Variants in PCDH10 observed in about 807,000 individuals in gnomAD.
PCDH10 encodes the protein protocadherin 10, also known as protocadherin-10.
PCDH10 carries 15 observed loss-of-function variants against 74.4 expected under a neutral mutation model. The observed-to-expected ratio is 0.20, with a 90% CI of 0.13 to 0.31. PCDH10 has a LOEUF of 0.31. PCDH10 is among the 10% of genes least tolerant of loss of function. The probability of loss-of-function intolerance (pLI) is 1.00; values close to 1 mark genes in which losing one functional copy is unlikely to be tolerated. For synonymous variants in PCDH10, 619 were observed against 589.8 expected (o/e 1.05, Z -0.72); for missense variants, 1,260 against 1,390.2 (o/e 0.91, Z 1.49).
At chr4:133,162,452 G>A (rs1162997089) in intron 3 of PCDH10, among the ~76,000 whole-genome samples, 3 of 152,066 alleles carry the variant, frequency 2.0e-5, no homozygotes, top group Non-Finnish European at 4.4e-5. Flanking sequence ...CCACATTTCT[G>A]TTGAATTTCA....
rs1022024903 is a variant in PCDH10, at chr4:133,190,996, T to C, written c.*836T>C. 1.3e-5 allele frequency: 2 copies of C among 152,344 alleles called. No individual in the cohort carries two copies. The highest frequency in any genetic ancestry group is 2.9e-5 in the Non-Finnish European group (2 of 67,902). The allele number at this position is 152,344 out of a possible 1,614,324, so 9.4% of individuals were successfully genotyped here. Reference sequence around the variant, plus strand: ...TACAAAATTTTGTCAAAAACTCATATTGAATTTTCAATGCCAAAGATGTAG... The same window carrying C: ...TACAAAATTTTGTCAAAAACTCATACTGAATTTTCAATGCCAAAGATGTAG... On this transcript the variant is annotated 3_prime_UTR_variant, in exon 5 of 5. Coordinates refer to ENST00000264360, the MANE Select transcript of PCDH10 (RefSeq NM_032961.3).
At chr4:133,179,945 T>C (rs1430183594) in intron 4 of PCDH10, among the ~76,000 whole-genome samples, 1 of 152,040 alleles carries the variant, frequency 6.6e-6, no homozygotes, top group East Asian at 1.9e-4. Context: ...AAAATTACAG[T>C]AGTCTCTGAA....
At position 133,149,883 on chromosome 4, in the gene PCDH10, A is replaced by T; in HGVS notation, c.-258A>T. The T allele has an allele frequency of 2.7e-6, 1 of 372,932 alleles. No homozygotes were observed. Among genetic ancestry groups the T allele is most frequent in the East Asian group, 4.1e-5 (1 of 24,420 alleles). 23.1% of individuals were successfully genotyped at this position (372,932 alleles called of 1,614,324 possible). A position where few individuals can be genotyped will look rare whatever the true frequency, so the allele number is the denominator to read the frequency against. ...ATTATTGTTATTTTATTAATTAGTC[A>T]GTGGAAAGATTACAGATGAGGAAAG... On this transcript the variant is annotated 5_prime_UTR_variant, in exon 1 of 5. Coordinates refer to ENST00000264360, the MANE Select transcript of PCDH10 (RefSeq NM_032961.3).
chr4:133,199,323 A>G (rs1325161290), downstream of PCDH10, among the ~76,000 whole-genome samples: 1 of 143,906 alleles, frequency 6.9e-6, no homozygotes, highest in Non-Finnish European at 1.5e-5. Flanking sequence ...TAATAATAAT[A>G]ATAATTAATT....
At chr4:133,205,568 G>A (rs904958583) in intron 2 of PCDH10, among the ~76,000 whole-genome samples, 1 of 151,770 alleles carries the variant, frequency 6.6e-6, no homozygotes, top group Non-Finnish European at 1.5e-5. Flanking sequence ...TTCAACTTTT[G>A]GAAATTTTCT....
chr4:133,159,475 A>G (rs1453649165), intron 3 of PCDH10, among the ~76,000 whole-genome samples: 1 of 152,120 alleles, frequency 6.6e-6, no homozygotes, highest in African/African-American at 2.4e-5. Flanking sequence ...TGAAACATTT[A>G]TTAGATATTA....
chr4:133,153,198 T>C, intron 1 of PCDH10: 1 of 1,070,884 alleles, frequency 9.3e-7, no homozygotes, highest in Non-Finnish European at 1.1e-6. Flanking sequence ...TTGCTTTGTT[T>C]AACGATGCTT....
At position 133,150,912 on chromosome 4, in the gene PCDH10, T is replaced by C. The variant is rs1357571919; in HGVS notation, c.772T>C (p.Ser258Pro). The C allele has an allele frequency of 6.2e-7, 1 of 1,613,566 alleles. No individual in the cohort carries two copies. ...PAFDQPVYTV[S>P]LPENSPPGTL... The stretch of plus-strand genomic sequence containing the variant: ...TTTCGACCAACCCGTCTACACTGTG[T>C]CCCTACCAGAGAACTCTCCCCCAGG... Residue 258 changes from serine (S) to proline (P), a missense_variant, in exon 1 of 5, where the codon TCC becomes CCC. Physicochemically the swap from Ser to Pro is moderately conservative, Grantham distance 74 (BLOSUM62 -1). Transcript: ENST00000264360.
intron 4 of PCDH10, among the ~76,000 whole-genome samples, chr4:133,167,688 T>C (rs994792518): frequency 6.6e-6 from 1 of 151,472 alleles, no homozygotes; most frequent in African/African-American, 2.4e-5. Context: ...TTTCTGAGGG[T>C]GGGTTTTTTG....
At chr4:133,196,302 G>T (rs770609841), downstream of PCDH10, among the ~76,000 whole-genome samples, 8 of 152,066 alleles carry the variant, frequency 5.3e-5, no homozygotes, top group East Asian at 1.9e-4. Flanking sequence ...GTGGGTGGGG[G>T]GACCAGTGAA....
chr4:133,151,713 T>A lies in PCDH10; in HGVS notation c.1573T>A (p.Leu525Met). The A allele has an allele frequency of 6.2e-7, 1 of 1,613,266 alleles. No homozygotes were observed. Among genetic ancestry groups the A allele is most frequent in the Admixed American group, 1.7e-5 (1 of 60,034 alleles). Residue 525 changes from leucine to methionine, a missense_variant, in exon 1 of 5, where the codon TTG (leucine) becomes ATG (methionine). By Grantham distance (15) the Leu-to-Met change is conservative (BLOSUM62 2). This residue lies in a region of PCDH10 where 587 missense variants were observed against 616.9 expected (regional missense o/e 0.95). Coordinates refer to ENST00000264360, the MANE Select transcript of PCDH10 (RefSeq NM_032961.3). ...YVSINSENGY[L>M]YALRSFDYEQ... ...TTCTATCAACTCTGAGAACGGCTACTTGTACGCCCTGCGCTCCTTCGACTA... is the reference window on the plus strand; with the variant it reads ...TTCTATCAACTCTGAGAACGGCTACATGTACGCCCTGCGCTCCTTCGACTA...
chr4:133,167,118 C>T (rs1023741088), intron 4 of PCDH10, among the ~76,000 whole-genome samples: 5 of 151,302 alleles, frequency 3.3e-5, no homozygotes, highest in South Asian at 2.1e-4. Context: ...TTCAACTTGA[C>T]GCACCCATAT....
chr4:133,150,069 T>G lies in PCDH10; in HGVS notation c.-72T>G, dbSNP rs1578554065. The G allele has an allele frequency of 6.9e-7, 1 of 1,438,960 alleles. No homozygotes were observed. The highest frequency in any genetic ancestry group is 2.4e-5 in the East Asian group (1 of 41,250). 89.1% of individuals were successfully genotyped at this position (1,438,960 alleles called of 1,614,324 possible). A position where few individuals can be genotyped will look rare whatever the true frequency, so the allele number is the denominator to read the frequency against. ...ATTTGTATTTTTTCAGATTTTTTTT[T>G]GTTTCGTGGTGGTGGGGGAGGTGAT... is the stretch of plus-strand genomic sequence containing the variant. On this transcript the variant is annotated 5_prime_UTR_variant, in exon 1 of 5. Transcript: ENST00000264360.
At chr4:133,154,284 T>A (rs1376879045) in intron 1 of PCDH10, 23 bp from the exon 2 acceptor site, 1 of 1,559,828 alleles carries the variant, frequency 6.4e-7, no homozygotes, top group Non-Finnish European at 8.8e-7. Context: ...CAAATGCTCT[T>A]GATTTATTTA....
chr4:133,164,170 T>A, intron 4 of PCDH10: 1 of 326,992 alleles, frequency 3.1e-6, no homozygotes, highest in East Asian at 9.1e-5. Context: ...TCATTTGTTT[T>A]GCTTTATTTT....
intron 2 of PCDH10, among the ~76,000 whole-genome samples, chr4:133,202,708 T>C (rs1377523126): frequency 6.6e-6 from 1 of 152,182 alleles, no homozygotes; most frequent in African/African-American, 2.4e-5. Flanking sequence ...GACTGTCTTA[T>C]GTTTGGCCAG....
At chr4:133,157,197 G>T (rs192519760) in intron 3 of PCDH10, among the ~76,000 whole-genome samples, 2 of 152,328 alleles carry the variant, frequency 1.3e-5, no homozygotes, top group Admixed American at 1.3e-4. Context: ...CTTATGTTAA[G>T]AAGTGATTGC....
chr4:133,195,269 T>G (rs1229728335), downstream of PCDH10, among the ~76,000 whole-genome samples: 6 of 152,124 alleles, frequency 3.9e-5, no homozygotes, highest in Non-Finnish European at 8.8e-5. Context: ...GAGTGCAAAC[T>G]GCACGTATCT....
chr4:133,177,439 C>A lies in PCDH10; in HGVS notation c.3104-12702C>A, dbSNP rs144109546. Among the ~76,000 whole-genome samples the A allele has an allele frequency of 4.9e-3, 749 of 152,224 alleles. 1 individual carries two copies. Among genetic ancestry groups the A allele is most frequent in the Non-Finnish European group, 7.3e-3 (496 of 68,002 alleles). ...TACAGCTTATAGTTTATTCAATGGG[C>A]TCTCTGTGTAATTCTCATGTTTTTT... On this transcript the variant is annotated intron_variant, in intron 4 of 4. Transcript: ENST00000264360.
Sources: allele counts gnomAD v4.1 joint callset (sites outside exome capture counted in the v4.1 genomes callset), GRCh38; gene constraint gnomAD v4.1.1; regional missense constraint gnomAD v4.1.1; transcripts MANE v1.5; gene names NCBI Gene and HGNC (gene_info 2026-07-23, HGNC 2026-07-21).